The following NBPF20 variants were observed in gnomAD, a reference collection of about 807,000 sequenced individuals.
NBPF20 encodes the protein NBPF family member NBPF20.
NBPF20 carries 90 observed loss-of-function variants against 68.1 expected under a neutral mutation model. That is an observed-to-expected ratio of 1.32 (90% CI 1.11 to 1.58). The LOEUF is 1.58. Ranked by LOEUF, NBPF20 falls within the 40% of genes most tolerant of loss-of-function variation. The probability of loss-of-function intolerance (pLI) is 0.00; values close to 1 mark genes in which losing one functional copy is unlikely to be tolerated. For missense variants in NBPF20, 816 were observed against 601.2 expected (o/e 1.36, Z -3.74); for synonymous variants, 290 against 228.1 (o/e 1.27, Z -2.45).
chr1:145,417,769 T>C, the NBPF20 span, among the ~76,000 whole-genome samples: 1 of 144,944 alleles, frequency 6.9e-6, no homozygotes, highest in Non-Finnish European at 1.5e-5. Flanking sequence ...TGTAAACCTA[T>C]CAGAATGGCT....
intron 5 of NBPF20, 111 bp downstream of exon 10, chr1:145,400,948 G>T: frequency 1.5e-6 from 2 of 1,298,830 alleles, no homozygotes; most frequent in Non-Finnish European, 2.2e-6. Context: ...CACATACTGT[G>T]GCCAAGCAAA....
chr1:145,405,484 A>T lies in NBPF20; in HGVS notation c.-110T>A. 1 of 1,527,696 alleles carries T rather than the reference A, an allele frequency of 6.5e-7. No individual in the cohort carries two copies. Among genetic ancestry groups the T allele is most frequent in the Non-Finnish European group, 8.8e-7 (1 of 1,141,678 alleles). 94.6% of individuals were successfully genotyped at this position (1,527,696 alleles called of 1,614,324 possible). A position where few individuals can be genotyped will look rare whatever the true frequency, so the allele number is the denominator to read the frequency against. Reference sequence around the variant, plus strand: ...ACAAAAACAAGGTTCAAGGTGCCTCAACTCAGAGCTGAAAGCACTGCCAGT... The same window carrying T: ...ACAAAAACAAGGTTCAAGGTGCCTCTACTCAGAGCTGAAAGCACTGCCAGT... On this transcript the variant is annotated 5_prime_UTR_variant, in exon 1 of 138. The change abolishes the stop of an existing upstream ORF in the 5' untranslated region. Transcript: ENST00000369373.
chr1:145,291,437 T>C (rs587751821), exon 138 of NBPF20: 1 of 1,611,012 alleles, frequency 6.2e-7, no homozygotes, highest in South Asian at 1.1e-5. Flanking sequence ...TGTCTGGGCT[T>C]CCAAATGGAA....
At chr1:145,400,393 A>C (rs1553664991) in exon 6 of NBPF20, 112 of 1,612,790 alleles carry the variant, frequency 6.9e-5, no homozygotes, top group Admixed American at 3.2e-4. Context: ...GGCTACCTGG[A>C]ATAATGTGTA....
chr1:145,396,573 A>C (rs1280735910), intron 7 of NBPF20, among the ~76,000 whole-genome samples: 40 of 151,184 alleles, frequency 2.6e-4, no homozygotes, highest in African/African-American at 8.8e-4. Flanking sequence ...GGTTGAAATG[A>C]AGGAAAAAAT....
rs1372690797 is a variant in NBPF20, at chr1:145,403,873, T to G, written c.176-555A>C. 3.3e-5 allele frequency among the ~76,000 whole-genome samples: 5 copies of G among 151,868 alleles called. No individual in the cohort carries two copies. In the South Asian group the frequency reaches 1.0e-3, roughly 32 times the overall value. On this transcript the variant is annotated intron_variant, in intron 2 of 137. Transcript: ENST00000369373. The stretch of plus-strand genomic sequence containing the variant: ...ACACCTTAAGGCCATGAAGGAAATA[T>G]GCCCAAATGTTAATAAAGTTTGTGT...
chr1:145,291,646 C>T, exon 138 of NBPF20: 4 of 1,611,936 alleles, frequency 2.5e-6, no homozygotes, highest in Non-Finnish European at 3.4e-6. Context: ...ATGAGTAAAA[C>T]ACACTTCTGT....
chr1:145,394,623 TTGTAGC>T (rs1352551576), intron 8 of NBPF20, among the ~76,000 whole-genome samples: 8 of 151,946 alleles, frequency 5.3e-5, no homozygotes, highest in Non-Finnish European at 1.0e-4. Flanking sequence ...ATAAGGAATT[TTGTAGC>T]TGGCAAGAGA....
At chr1:145,393,291 A>G (rs1463502011) in intron 9 of NBPF20, 45 bp from the exon 15 acceptor site, 4 of 669,700 alleles carry the variant, frequency 6.0e-6, no homozygotes, top group Non-Finnish European at 1.1e-5. Flanking sequence ...GGGGAATCAG[A>G]AACCACACAG....
chr1:145,424,915 G>A, the NBPF20 span, among the ~76,000 whole-genome samples: 2 of 152,170 alleles, frequency 1.3e-5, no homozygotes, highest in African/African-American at 4.8e-5. Context: ...AAACCGCCAG[G>A]AGCAGAATCC....
upstream of NBPF20, among the ~76,000 whole-genome samples, chr1:145,410,054 G>T (rs587763706): frequency 6.6e-6 from 1 of 151,986 alleles, no homozygotes; most frequent in South Asian, 2.1e-4. Flanking sequence ...CCTAGGAATG[G>T]AATGACTGTC....
intron 8 of NBPF20, 59 bp downstream of exon 13, chr1:145,394,919 T>C: frequency 1.3e-6 from 2 of 1,599,614 alleles, no homozygotes; most frequent in Admixed American, 1.7e-5. Flanking sequence ...GCCCAAAGAT[T>C]ATGGGGTCTA....
upstream of NBPF20, among the ~76,000 whole-genome samples, chr1:145,408,696 TG>T (rs587606834): frequency 8.1e-4 from 123 of 152,112 alleles, no homozygotes; most frequent in African/African-American, 2.9e-3. Flanking sequence ...TGATGTAATA[TG>T]CTAACAAAAT....
At chr1:145,408,878 T>A (rs1447283909), upstream of NBPF20, among the ~76,000 whole-genome samples, 4 of 151,722 alleles carry the variant, frequency 2.6e-5, no homozygotes, top group African/African-American at 9.7e-5. Context: ...AGCTGCTAAT[T>A]GCTAGTATGG....
upstream of NBPF20, among the ~76,000 whole-genome samples, chr1:145,409,453 G>GC (rs1189148787): frequency 2.0e-5 from 3 of 150,848 alleles, no homozygotes; most frequent in African/African-American, 7.3e-5. Context: ...AGAAGCCAGT[G>GC]CCCTTATACA....
At position 145,393,840 on chromosome 1, in the gene NBPF20, A is replaced by T. The variant is rs1365330963; in HGVS notation, c.1043+44T>A. On this transcript the variant is annotated intron_variant, in intron 9 of 137. Transcript: ENST00000369373. The stretch of plus-strand genomic sequence containing the variant: ...TGTTTTCCCTGGACTTGGCATCTCC[A>T]GGTGTCAACATCAAATTAACTCTCC... 21 of 1,385,512 alleles carry T rather than the reference A, an allele frequency of 1.5e-5. No individual in the cohort carries two copies. The East Asian group carries it at 3.4e-4, about 23-fold the overall frequency. 85.8% of individuals were successfully genotyped at this position (1,385,512 alleles called of 1,614,324 possible).
At chr1:145,400,888 C>A (rs1553665188) in intron 5 of NBPF20, among the ~76,000 whole-genome samples, 171 bp downstream of exon 10, 3 of 151,916 alleles carry the variant, frequency 2.0e-5, no homozygotes, top group Admixed American at 2.0e-4. Context: ...TCGGCACACA[C>A]AGAGAAACAT....
At position 145,400,448 on chromosome 1, in the gene NBPF20, G is replaced by C. The variant is rs1409698530; in HGVS notation, c.713C>G (p.Ser238Ter). The change falls in exon 6 of 138, where the codon TCA becomes TGA. Residue 238 changes from serine (S) to a stop codon, truncating the protein, a stop_gained. Coordinates refer to ENST00000369373, the Ensembl canonical transcript of NBPF20. LOFTEE classifies it high-confidence loss of function. Reference sequence around the variant, plus strand: ...ATGAGAGGATGAGCCAATCAGAGTTGAGTCGACTTTGTCTTCCTCAAATGT... The same window carrying C: ...ATGAGAGGATGAGCCAATCAGAGTTCAGTCGACTTTGTCTTCCTCAAATGT... 4.3e-6 allele frequency: 7 copies of C among 1,613,040 alleles called. No homozygotes were observed. In the African/African-American group the frequency reaches 5.3e-5, roughly 12 times the overall value.
At chr1:145,402,323 A>C in exon 4 of NBPF20, 1 of 1,609,144 alleles carries the variant, frequency 6.2e-7, no homozygotes, top group South Asian at 1.1e-5. Flanking sequence ...CCTTCCCGCA[A>C]CTTCTCCCTT....
Sources: gnomAD v4.1 joint callset for allele counts (sites outside exome capture counted in the v4.1 genomes callset) on GRCh38, gnomAD v4.1.1 for gene constraint, MANE v1.5 for transcripts, NCBI Gene and HGNC (gene_info 2026-07-23, HGNC 2026-07-21) for gene names.